Variants in MED12 observed in about 807,000 individuals in gnomAD.
The protein encoded by MED12 is mediator of RNA polymerase II transcription subunit 12.
In MED12, 10 loss-of-function variants were observed where a neutral mutation model predicts 177.7. That is an observed-to-expected ratio of 0.06 (90% CI 0.03 to 0.10). The LOEUF is 0.10. Ranked by LOEUF, MED12 falls within the 10% of genes least tolerant of loss-of-function variation. The pLI, the probability that MED12 is intolerant of heterozygous loss-of-function variation, is 1.00. For missense variants in MED12, 867 were observed against 1,780.8 expected (o/e 0.49, Z 9.23); for synonymous variants, 641 against 678.4 (o/e 0.94, Z 0.86).
chrX:71,121,640 C>A lies in MED12; in HGVS notation c.925C>A (p.Leu309Met). 8.3e-7 allele frequency: 1 copy of A among 1,211,836 alleles called. No homozygotes were observed. Among genetic ancestry groups the A allele is most frequent in the Non-Finnish European group, 1.1e-6 (1 of 895,534 alleles). The change falls in exon 7 of 45, where the codon CTG becomes ATG. Residue 309 changes from leucine (L) to methionine (M), a missense_variant. Leu to Met is a conservative substitution (Grantham distance 15). This residue lies in a region of MED12 where 309 missense variants were observed against 556.3 expected (regional missense o/e 0.56). Coordinates refer to ENST00000374080, the MANE Select transcript of MED12 (RefSeq NM_005120.3). Reference sequence around the variant, plus strand: ...CTGTACACGGAGACTGGCCCTGCAGCTGGATGGTGTGAGCAGTCACTCATC... The same window carrying A: ...CTGTACACGGAGACTGGCCCTGCAGATGGATGGTGTGAGCAGTCACTCATC... Reference protein sequence around the residue: ...YFCTRRLALQLDGVSSHSSHV... With the variant: ...YFCTRRLALQMDGVSSHSSHV...
At chrX:71,138,053 A>G in intron 41 of MED12, 110 bp downstream of exon 41, 1 of 758,744 alleles carries the variant, frequency 1.3e-6, no homozygotes, top group South Asian at 2.2e-5. Context: ...TTTCGGAGAC[A>G]TCAAGAATAC....
chrX:71,135,039 C>A, intron 35 of MED12, 53 bp from the exon 36 acceptor site: 1 of 1,203,095 alleles, frequency 8.3e-7, no homozygotes, highest in Non-Finnish European at 1.1e-6. Flanking sequence ...TGAGACTTCC[C>A]ATCCCTGTTT....
Position 71,124,290 on chromosome X carries a change from T to G in MED12, c.1876T>G (p.Phe626Val). 8.3e-7 allele frequency: 1 copy of G among 1,210,576 alleles called. No individual in the cohort carries two copies. Among genetic ancestry groups the G allele is most frequent in the Non-Finnish European group, 1.1e-6 (1 of 894,310 alleles). The change falls in exon 13 of 45, where the codon TTT becomes GTT. Residue 626 changes from phenylalanine to valine, a missense_variant. Transcript: ENST00000374080. ...TCTCATCTCCCGAGGGGACCTTGCCTTTGGAGCCCCTGGTCCCCGGCCTCC... is the reference window on the plus strand; with the variant it reads ...TCTCATCTCCCGAGGGGACCTTGCCGTTGGAGCCCCTGGTCCCCGGCCTCC... ...CTLISRGDLA[F>V]GAPGPRPPSP... is the part of the protein sequence containing the mutation.
chrX:71,135,280 C>T (rs747781539), intron 36 of MED12, 27 bp downstream of exon 36: 1 of 1,211,443 alleles, frequency 8.3e-7, no homozygotes, highest in Non-Finnish European at 1.1e-6. Context: ...GCCCGTGTCC[C>T]TTGCCTTTTT....
At chrX:71,126,302 C>G (rs747697328) in intron 18 of MED12, 39 bp from the exon 19 acceptor site, 21 of 1,209,277 alleles carry the variant, frequency 1.7e-5, no homozygotes, top group Non-Finnish European at 2.4e-5. Flanking sequence ...TGGTTCTTTC[C>G]TCTCTCCACT....
intron 12 of MED12, 40 bp from the exon 13 acceptor site, chrX:71,124,119 G>A (rs1284924912): frequency 9.0e-7 from 1 of 1,114,135 alleles, no homozygotes. Context: ...CCACCTTTTT[G>A]TGTTCTCCTA....
Position 71,128,637 on chromosome X carries a change from G to A in MED12, c.3394G>A (p.Val1132Ile). Residue 1132 changes from valine (V) to isoleucine (I), a missense_variant, in exon 24 of 45, where the codon GTT becomes ATT. Val to Ile is a conservative substitution (Grantham distance 29). Coordinates refer to ENST00000374080, the MANE Select transcript of MED12 (RefSeq NM_005120.3). ...LSFHDSLATF[V>I]AILIARQCLL... Reference sequence around the variant, plus strand: ...TTTTCATGACTCGCTGGCTACTTTTGTTGCCATCCTCATCGCTCGGCAGTG... The same window carrying A: ...TTTTCATGACTCGCTGGCTACTTTTATTGCCATCCTCATCGCTCGGCAGTG... 1 of 1,210,839 alleles carries A rather than the reference G, an allele frequency of 8.3e-7. No individual in the cohort carries two copies. Among genetic ancestry groups the A allele is most frequent in the Non-Finnish European group, 1.1e-6 (1 of 895,258 alleles).
intron 41 of MED12, among the ~76,000 whole-genome samples, chrX:71,138,563 A>G (rs979700539): frequency 9.2e-5 from 10 of 108,902 alleles, no homozygotes; most frequent in African/African-American, 3.4e-4. Flanking sequence ...GAGCCACCAC[A>G]CCTGGCCAAA....
intron 41 of MED12, among the ~76,000 whole-genome samples, chrX:71,139,499 G>A (rs1024286300): frequency 2.7e-5 from 3 of 110,545 alleles, no homozygotes; most frequent in African/African-American, 6.6e-5. Context: ...GAATTGAGAC[G>A]CAGTCCCAGA....
intron 8 of MED12, 60 bp downstream of exon 8, chrX:71,122,406 C>T (rs2092291606): frequency 8.4e-7 from 1 of 1,195,004 alleles, no homozygotes; most frequent in African/African-American, 1.8e-5. Flanking sequence ...ATTACTCTTT[C>T]AGAAGTAGTG....
In MED12 at chrX:71,122,226, C is replaced by T. The variant is rs750206494; in HGVS notation, c.1128C>T (p.Ala376=). 8.3e-7 allele frequency: 1 copy of T among 1,209,947 alleles called. No individual in the cohort carries two copies. The highest frequency in any genetic ancestry group is 1.8e-5 in the South Asian group (1 of 56,842). The part of the protein sequence containing the change: ...LQTILLCCPS[A]LVWHYSLTDS... ...CCATCCTCCTGTGCTGTCCTAGTGC[C>T]TTGGTTTGGCACTACTCACTGACTG... Residue 376 remains alanine, a synonymous_variant, in exon 8 of 45, where the codon GCC becomes GCT. Transcript: ENST00000374080.
intron 17 of MED12, 48 bp from the exon 18 acceptor site, chrX:71,125,988 C>G: frequency 1.3e-6 from 1 of 776,927 alleles, no homozygotes; most frequent in Non-Finnish European, 1.8e-6. Context: ...CCCTAGTCAA[C>G]TAGTTATCTT....
intron 41 of MED12, among the ~76,000 whole-genome samples, chrX:71,140,423 T>C (rs2092343986): frequency 9.0e-6 from 1 of 110,879 alleles, no homozygotes; most frequent in Non-Finnish European, 1.9e-5. Flanking sequence ...TAATGCAGAA[T>C]TGAAAAATTC....
Position 71,118,910 on chromosome X carries a change from G to C in MED12, c.99+57G>C. The C allele has an allele frequency of 4.7e-6, 5 of 1,057,934 alleles. No homozygotes were observed. The Admixed American group carries it at 9.4e-5, about 20-fold the overall frequency. 87.2% of individuals were successfully genotyped at this position (1,057,934 alleles called of 1,213,427 possible). On this transcript the variant is annotated intron_variant, in intron 1 of 44. Coordinates refer to ENST00000374080, the MANE Select transcript of MED12 (RefSeq NM_005120.3). ...CGGGGGCACGCGGTCAGCCTAGGAGGAGGCACTGACGGCTGGGAATGGGGG... is the reference window on the plus strand; with the variant it reads ...CGGGGGCACGCGGTCAGCCTAGGAGCAGGCACTGACGGCTGGGAATGGGGG...
chrX:71,131,422 G>A (rs2092317114), intron 28 of MED12, 128 bp from the exon 29 acceptor site: 8 of 596,310 alleles, frequency 1.3e-5, no homozygotes, highest in Non-Finnish European at 2.3e-5. Flanking sequence ...TGGGGACATA[G>A]AGGTCCCTTT....
intron 24 of MED12, 156 bp from the exon 25 acceptor site, chrX:71,128,958 C>T (rs1023399551): frequency 3.6e-6 from 2 of 561,906 alleles, no homozygotes; most frequent in African/African-American, 4.5e-5. Flanking sequence ...TGCTCTACCT[C>T]GCTTTCAATA....
intron 41 of MED12, among the ~76,000 whole-genome samples, chrX:71,139,559 A>G (rs966161539): frequency 1.5e-4 from 16 of 109,986 alleles, no homozygotes; most frequent in African/African-American, 5.0e-4. Context: ...GTATGTTGCA[A>G]GGTTCCTTGG....
At chrX:71,131,329 C>A (rs1355036388) in intron 28 of MED12, among the ~76,000 whole-genome samples, 1 of 110,666 alleles carries the variant, frequency 9.0e-6, no homozygotes, top group African/African-American at 3.3e-5. Context: ...GGGGTTTTGC[C>A]ATGTTGGCCA....
At chrX:71,125,184 AC>A in intron 15 of MED12, 38 bp downstream of exon 15, 1 of 1,203,788 alleles carries the variant, frequency 8.3e-7, no homozygotes, top group Non-Finnish European at 1.1e-6. Context: ...TCTGTTTTGA[AC>A]CCAGATTGCT....
Sources: gnomAD v4.1 joint callset for allele counts (sites outside exome capture counted in the v4.1 genomes callset) on GRCh38, gnomAD v4.1.1 for gene constraint, gnomAD v4.1.1 regional missense constraint, MANE v1.5 for transcripts, NCBI Gene and HGNC (gene_info 2026-07-23, HGNC 2026-07-21) for gene names.